Variants in TCP11L2 observed in about 807,000 individuals in gnomAD.
TCP11L2 encodes the protein T-complex protein 11-like protein 2.
TCP11L2 carries 39 observed loss-of-function variants against 50.7 expected under a neutral mutation model. That is an observed-to-expected ratio of 0.77 (90% CI 0.60 to 1.01). The LOEUF (loss-of-function observed/expected upper bound fraction) is 1.01. Ranked by LOEUF, TCP11L2 falls within the 50% of genes least tolerant of loss-of-function variation. The pLI, the probability that TCP11L2 is intolerant of heterozygous loss-of-function variation, is 0.00. For synonymous variants in TCP11L2, 192 were observed against 219.3 expected, an observed-to-expected ratio of 0.88 and a Z score of 1.10; for missense variants, 612 against 614.7, an observed-to-expected ratio of 1.00 and a Z score of 0.05.
At chr12:106,317,179 A>G (rs1188568208) in intron 3 of TCP11L2, among the ~76,000 whole-genome samples, 1 of 152,234 alleles carries the variant, frequency 6.6e-6, no homozygotes, top group Non-Finnish European at 1.5e-5. Context: ...AATGTGAGCA[A>G]GGGAAACAAA....
chr12:106,346,287 TAA>T lies in TCP11L2; in HGVS notation c.1319_1320del (p.Lys440ThrfsTer3), dbSNP rs779002546. On this transcript the variant is annotated frameshift_variant and splice_region_variant, in exon 10 of 10. Transcript: ENST00000299045. LOFTEE classifies it high-confidence loss of function. Reference sequence around the variant, plus strand: ...AAAGTATCTTTTTTTCCCCTTCAGATAAACGAATTAAGCTTTACATGAGAAGG... The same window carrying T: ...AAAGTATCTTTTTTTCCCCTTCAGATACGAATTAAGCTTTACATGAGAAGG... ...EDNPIWSLID[K>X]RIKLYMRRLL... 11 of 1,596,756 alleles carry T rather than the reference TAA, an allele frequency of 6.9e-6. No individual in the cohort carries two copies. The highest frequency in any genetic ancestry group is 9.4e-6 in the Non-Finnish European group (11 of 1,171,142).
chr12:106,309,895 C>T (rs756796782), intron 1 of TCP11L2, among the ~76,000 whole-genome samples: 6 of 152,076 alleles, frequency 3.9e-5, no homozygotes, highest in Non-Finnish European at 5.9e-5. Context: ...CCATTCTGGC[C>T]GCTTTAAAAG....
chr12:106,314,361 C>T lies in TCP11L2; in HGVS notation c.161C>T (p.Thr54Ile), dbSNP rs2034983628. The change falls in exon 3 of 10, where the codon ACA becomes ATA. Residue 54 changes from threonine (T) to isoleucine (I), a missense_variant. Transcript: ENST00000299045. ...SSSKSSSPAS[T>I]SPPRVVTFDE... Reference sequence around the variant, plus strand: ...CTGGCTTTTGTTTTTCTTTCAGCAACAAGCCCTCCAAGGGTTGTAACATTT... The same window carrying T: ...CTGGCTTTTGTTTTTCTTTCAGCAATAAGCCCTCCAAGGGTTGTAACATTT... 6.3e-7 allele frequency: 1 copy of T among 1,596,270 alleles called. No homozygotes were observed. Among genetic ancestry groups the T allele is most frequent in the Non-Finnish European group, 8.6e-7 (1 of 1,166,288 alleles).
Position 106,319,152 on chromosome 12 carries a change from T to C in TCP11L2, c.414+688T>C, listed in dbSNP as rs563467859. 5.7e-3 allele frequency among the ~76,000 whole-genome samples: 871 copies of C among 152,118 alleles called. 1 individual carries two copies. The highest frequency in any genetic ancestry group is 8.6e-3 in the Non-Finnish European group (587 of 67,910). On this transcript the variant is annotated intron_variant, in intron 4 of 9. Coordinates refer to ENST00000299045, the MANE Select transcript of TCP11L2 (RefSeq NM_152772.3). Reference sequence around the variant, plus strand: ...GGTCTCGATCTCCTGACCTCATGATTCGCCCACCTTGGCCTCCCAGAGTGC... The same window carrying C: ...GGTCTCGATCTCCTGACCTCATGATCCGCCCACCTTGGCCTCCCAGAGTGC...
At chr12:106,317,367 T>G (rs2035130488) in intron 3 of TCP11L2, among the ~76,000 whole-genome samples, 2 of 152,138 alleles carry the variant, frequency 1.3e-5, no homozygotes, top group African/African-American at 2.4e-5. Flanking sequence ...AGTACAAAAA[T>G]TAGCTGGGTG....
chr12:106,306,350 T>G (rs900729324), intron 1 of TCP11L2, among the ~76,000 whole-genome samples: 1 of 152,246 alleles, frequency 6.6e-6, no homozygotes, highest in Non-Finnish European at 1.5e-5. Flanking sequence ...TCTATGTGCT[T>G]TATTATTTTT....
At chr12:106,335,391 C>T (rs7303305) in intron 6 of TCP11L2, among the ~76,000 whole-genome samples, 178 of 152,258 alleles carry the variant, frequency 1.2e-3, no homozygotes, top group African/African-American at 3.8e-3. Context: ...TTCCAGAGCA[C>T]TTACAGAGCT....
chr12:106,306,591 G>GT (rs986519731), intron 1 of TCP11L2, among the ~76,000 whole-genome samples: 31 of 149,940 alleles, frequency 2.1e-4, no homozygotes, highest in African/African-American at 4.9e-4. Flanking sequence ...GTTATCAAGT[G>GT]TTTTTTTTTC....
chr12:106,313,823 T>A (rs928604653), intron 2 of TCP11L2, among the ~76,000 whole-genome samples: 1 of 146,810 alleles, frequency 6.8e-6, no homozygotes, highest in African/African-American at 2.5e-5. Flanking sequence ...TGGAGTGCAG[T>A]GGCACGATCT....
At chr12:106,329,792 G>A (rs894265167) in intron 6 of TCP11L2, 2 of 990,488 alleles carry the variant, frequency 2.0e-6, no homozygotes, top group Non-Finnish European at 2.4e-6. Flanking sequence ...TTCCACTCGC[G>A]CTCTCTCAGT....
chr12:106,334,800 G>T (rs781760234), intron 6 of TCP11L2, among the ~76,000 whole-genome samples: 5 of 152,088 alleles, frequency 3.3e-5, no homozygotes, highest in African/African-American at 1.2e-4. Flanking sequence ...AATTATCTGG[G>T]TGTGGTGGTG....
chr12:106,305,094 G>A (rs2034575426), intron 1 of TCP11L2, among the ~76,000 whole-genome samples: 1 of 152,154 alleles, frequency 6.6e-6, no homozygotes, highest in African/African-American at 2.4e-5. Flanking sequence ...TAGAGAGCAT[G>A]GGTTTTAGGG....
chr12:106,316,843 A>G (rs922837437), intron 3 of TCP11L2, among the ~76,000 whole-genome samples: 3 of 152,158 alleles, frequency 2.0e-5, no homozygotes, highest in African/African-American at 7.2e-5. Flanking sequence ...ATACAAATGA[A>G]TTTTTTGAGA....
intron 1 of TCP11L2, among the ~76,000 whole-genome samples, 162 bp from the exon 2 acceptor site, chr12:106,310,879 C>T (rs887251501): frequency 3.9e-5 from 6 of 152,220 alleles, no homozygotes; most frequent in Admixed American, 3.9e-4. Flanking sequence ...ACCTAGTGAT[C>T]TGGCCTAGTC....
intron 4 of TCP11L2, 117 bp downstream of exon 4, chr12:106,318,581 A>T: frequency 1.5e-6 from 2 of 1,293,614 alleles, no homozygotes; most frequent in South Asian, 3.1e-5. Flanking sequence ...ACAGTACTGG[A>T]GGCTGGGAAG....
intron 8 of TCP11L2, among the ~76,000 whole-genome samples, chr12:106,336,641 C>G (rs1407722574): frequency 6.6e-6 from 1 of 151,386 alleles, no homozygotes; most frequent in Non-Finnish European, 1.5e-5. Context: ...CAACCTCCGC[C>G]TCCCGGGTTC....
chr12:106,346,167 G>T, intron 9 of TCP11L2, 119 bp from the exon 10 acceptor site: 1 of 1,049,726 alleles, frequency 9.5e-7, no homozygotes, highest in Non-Finnish European at 1.4e-6. Context: ...ATGGGTGCAG[G>T]GAGGGGTAAA....
chr12:106,330,398 T>G, intron 6 of TCP11L2: 155 of 687,730 alleles, frequency 2.3e-4, no homozygotes, highest in Middle Eastern at 7.3e-4. Flanking sequence ...CATTTGGCCA[T>G]GTCTGGAGAC....
At chr12:106,299,749 A>G (rs1205103147), upstream of TCP11L2, among the ~76,000 whole-genome samples, 2 of 152,234 alleles carry the variant, frequency 1.3e-5, no homozygotes, top group Non-Finnish European at 2.9e-5. Context: ...TGTTCCTCAT[A>G]TTCTGTCCTA....
Sources: gnomAD v4.1 joint callset for allele counts (sites outside exome capture counted in the v4.1 genomes callset) on GRCh38, gnomAD v4.1.1 for gene constraint, MANE v1.5 for transcripts, NCBI Gene and HGNC (gene_info 2026-07-23, HGNC 2026-07-21) for gene names.